FGF14: variants seen among roughly 807,000 people sequenced by gnomAD.
The protein encoded by FGF14 is fibroblast growth factor homologous factor 4.
In FGF14, 5 loss-of-function variants were observed where a neutral mutation model predicts 25.5. The observed-to-expected ratio is 0.20, with a 90% CI of 0.10 to 0.41. The LOEUF is 0.41. Among genes scored for constraint, FGF14 ranks in the 10% least tolerant of loss-of-function variants. The pLI, the probability that FGF14 is intolerant of heterozygous loss-of-function variation, is 1.00. For missense variants in FGF14, 222 were observed against 320.1 expected (o/e 0.69, Z 2.34); for synonymous variants, 138 against 118.3 (o/e 1.17, Z -1.08).
At chr13:101,987,438 T>C (rs2038649009) in intron 1 of FGF14, among the ~76,000 whole-genome samples, 1 of 152,112 alleles carries the variant, frequency 6.6e-6, no homozygotes. Context: ...TCACCTTATC[T>C]GAGAGGCTAT....
At chr13:102,327,607 G>A (rs1377358969) in intron 1 of FGF14, among the ~76,000 whole-genome samples, 2 of 152,184 alleles carry the variant, frequency 1.3e-5, no homozygotes, top group Non-Finnish European at 2.9e-5. Context: ...TGCTAAGGCA[G>A]GAAGATCACT....
chr13:102,057,661 AT>A (rs2042495459), intron 1 of FGF14, among the ~76,000 whole-genome samples: 1 of 152,198 alleles, frequency 6.6e-6, no homozygotes, highest in Admixed American at 6.5e-5. Flanking sequence ...TGAATAGTGC[AT>A]TGTAATCATC....
chr13:102,034,657 T>C (rs956021248), intron 1 of FGF14, among the ~76,000 whole-genome samples: 1 of 152,126 alleles, frequency 6.6e-6, no homozygotes, highest in Non-Finnish European at 1.5e-5. Flanking sequence ...GATAAAAAAG[T>C]CACATTTTAA....
chr13:102,331,831 A>G (rs531866685), intron 1 of FGF14, among the ~76,000 whole-genome samples: 5 of 152,324 alleles, frequency 3.3e-5, no homozygotes, highest in African/African-American at 1.2e-4. Flanking sequence ...CGATCCACTG[A>G]GTTTATGTGA....
chr13:102,068,847 C>G (rs28877428), intron 1 of FGF14, among the ~76,000 whole-genome samples: 3 of 152,212 alleles, frequency 2.0e-5, no homozygotes, highest in African/African-American at 7.2e-5. Flanking sequence ...CACCCAAGGG[C>G]TGAGGAGTGC....
intron 1 of FGF14, among the ~76,000 whole-genome samples, chr13:102,050,427 C>T (rs1235215300): frequency 1.3e-5 from 2 of 152,150 alleles, no homozygotes; most frequent in East Asian, 3.9e-4. Flanking sequence ...CACTGTAGAA[C>T]TTGTAGCAAC....
At chr13:102,237,229 C>A (rs183879155) in intron 1 of FGF14, among the ~76,000 whole-genome samples, 1 of 152,208 alleles carries the variant, frequency 6.6e-6, no homozygotes. Context: ...CATTCAAAAA[C>A]CCTAGAGACT....
chr13:101,837,748 G>C (rs2042996600), intron 3 of FGF14, among the ~76,000 whole-genome samples: 1 of 151,994 alleles, frequency 6.6e-6, no homozygotes, highest in Non-Finnish European at 1.5e-5. Context: ...AATATATTCT[G>C]ATTGTCCTTG....
intron 1 of FGF14, among the ~76,000 whole-genome samples, chr13:102,050,461 C>G (rs1027140279): frequency 1.3e-5 from 2 of 152,078 alleles, no homozygotes; most frequent in Admixed American, 6.6e-5. Flanking sequence ...CACCTAGCAC[C>G]CTGTAAACAT....
At chr13:101,977,892 A>G (rs2038023071) in intron 1 of FGF14, among the ~76,000 whole-genome samples, 1 of 151,986 alleles carries the variant, frequency 6.6e-6, no homozygotes, top group Admixed American at 6.6e-5. Flanking sequence ...TCAGCTAACT[A>G]TCAGCTAAAT....
Position 102,377,087 on chromosome 13 carries a change from CT to C in FGF14, c.208+24383del, listed in dbSNP as rs200367815. ...GCTAGTCTTCAAATATCTAGGTCAC[CT>C]TTTTTTTTTTTCCTAAGAAAAAGAA... On this transcript the variant is annotated intron_variant, in intron 1 of 4. Transcript: ENST00000376131. Among the ~76,000 whole-genome samples the C allele has an allele frequency of 4.1e-3, 599 of 145,906 alleles. 1 individual carries two copies. Among genetic ancestry groups the C allele is most frequent in the East Asian group, 0.011 (58 of 5,064 alleles).
chr13:102,112,283 G>A (rs751403796), intron 1 of FGF14, among the ~76,000 whole-genome samples: 56 of 152,252 alleles, frequency 3.7e-4, no homozygotes, highest in Admixed American at 2.0e-3. Flanking sequence ...GGACTGCACC[G>A]TGCTACCGCA....
At chr13:101,765,544 G>A (rs75708900) in intron 3 of FGF14, among the ~76,000 whole-genome samples, 1,692 of 152,162 alleles carry the variant, frequency 0.011, 35 homozygotes, top group African/African-American at 0.038. Flanking sequence ...GGAAATCTCA[G>A]AATTGGTTCG....
At chr13:101,837,999 A>G (rs978330626) in intron 3 of FGF14, among the ~76,000 whole-genome samples, 1 of 151,906 alleles carries the variant, frequency 6.6e-6, no homozygotes, top group African/African-American at 2.4e-5. Flanking sequence ...TCCTTCTCCC[A>G]TGGTGCTGGA....
At chr13:102,098,277 T>C (rs1185374457) in intron 1 of FGF14, among the ~76,000 whole-genome samples, 1 of 152,200 alleles carries the variant, frequency 6.6e-6, no homozygotes, top group African/African-American at 2.4e-5. Context: ...ACTCCATTTC[T>C]AGAAAGTCGT....
At chr13:102,348,223 C>G (rs1405840131) in intron 1 of FGF14, among the ~76,000 whole-genome samples, 4 of 152,158 alleles carry the variant, frequency 2.6e-5, no homozygotes, top group African/African-American at 9.6e-5. Flanking sequence ...TTACTATAGT[C>G]GAAATAGCAT....
chr13:101,734,024 G>A lies in FGF14; in HGVS notation c.409-7214C>T, dbSNP rs184184488. On this transcript the variant is annotated intron_variant, in intron 3 of 4. Coordinates refer to ENST00000376143, the MANE Select transcript of FGF14 (RefSeq NM_004115.4). Reference sequence around the variant, plus strand: ...TAAATATACATAAGGAGATGTCTGTGTGTGTGTGTGCATGTGTGTGTGTGT... The same window carrying A: ...TAAATATACATAAGGAGATGTCTGTATGTGTGTGTGCATGTGTGTGTGTGT... Among the ~76,000 whole-genome samples, 467 of 151,946 alleles carry A rather than the reference G, an allele frequency of 3.1e-3. 3 individuals carry two copies. In the Middle Eastern group the frequency reaches 0.031, roughly 10 times the overall value.
rs538603595 is a variant in FGF14, at chr13:102,030,444, G to A, written c.209-155148C>T. On this transcript the variant is annotated intron_variant, in intron 1 of 4. Coordinates refer to the FGF14 transcript ENST00000376131. ...CCAACCAGCCAACCTTCAGCAGAAAGAAAGGACAACCAAGGCACAGGAAAA... is the reference window on the plus strand; with the variant it reads ...CCAACCAGCCAACCTTCAGCAGAAAAAAAGGACAACCAAGGCACAGGAAAA... Among the ~76,000 whole-genome samples, 7 of 152,126 alleles carry A rather than the reference G, an allele frequency of 4.6e-5. No individual in the cohort carries two copies. In the South Asian group the frequency reaches 1.2e-3, roughly 27 times the overall value.
intron 1 of FGF14, among the ~76,000 whole-genome samples, chr13:101,885,789 G>A (rs371494886): frequency 5.7e-4 from 87 of 151,890 alleles, no homozygotes; most frequent in African/African-American, 2.0e-3. Context: ...TGGAAGGTTT[G>A]CAGCTAGCCC....
Sources: gnomAD v4.1 joint callset for allele counts (sites outside exome capture counted in the v4.1 genomes callset) on GRCh38, gnomAD v4.1.1 for gene constraint, MANE v1.5 for transcripts, NCBI Gene and HGNC (gene_info 2026-07-23, HGNC 2026-07-21) for gene names.